The following PDE5A variants were observed in gnomAD, a reference collection of about 807,000 sequenced individuals.
PDE5A encodes the protein phosphodiesterase 5A, also known as cGMP-specific 3',5'-cyclic phosphodiesterase.
A neutral mutation model predicts 110.2 loss-of-function variants in PDE5A; 67 were observed. The ratio of observed to expected loss-of-function variants is 0.61; its 90% CI spans 0.50 to 0.75. The LOEUF (loss-of-function observed/expected upper bound fraction) is 0.75, where lower values mean the gene tolerates loss of function less well. Among genes scored for constraint, PDE5A ranks in the 30% least tolerant of loss-of-function variants. PDE5A has a pLI of 0.00. For synonymous variants in PDE5A, 328 were observed against 351.2 expected, an observed-to-expected ratio of 0.93 and a Z score of 0.74; for missense variants, 862 against 1,045.1, an observed-to-expected ratio of 0.82 and a Z score of 2.42.
intron 3 of PDE5A, among the ~76,000 whole-genome samples, chr4:119,579,632 T>G (rs1356588132): frequency 6.6e-6 from 1 of 151,486 alleles, no homozygotes; most frequent in African/African-American, 2.4e-5. Context: ...TAGGTGGGAA[T>G]TGAACAATGA....
At chr4:119,507,841 A>C in intron 15 of PDE5A, 137 bp from the exon 16 acceptor site, 3 of 621,746 alleles carry the variant, frequency 4.8e-6, no homozygotes, top group Non-Finnish European at 8.3e-6. Flanking sequence ...AATACCATGA[A>C]ATAAAGTTTC....
chr4:119,502,859 C>G (rs1240667435), intron 18 of PDE5A, among the ~76,000 whole-genome samples: 1 of 152,158 alleles, frequency 6.6e-6, no homozygotes, highest in Non-Finnish European at 1.5e-5. Flanking sequence ...TTAGGTACAT[C>G]TCTCTGTCTT....
intron 11 of PDE5A, chr4:119,527,277 C>T (rs1578745469): frequency 1.3e-5 from 2 of 152,216 alleles, no homozygotes; most frequent in Middle Eastern, 6.8e-3. Flanking sequence ...AGAATCTTTT[C>T]TTTTGATTGT....
In PDE5A at chr4:119,495,178, C is replaced by A. The variant is rs2110443949; in HGVS notation, c.*3423G>T. The A allele has an allele frequency of 6.6e-6, 1 of 152,160 alleles. No individual in the cohort carries two copies. The highest frequency in any genetic ancestry group is 1.5e-5 in the Non-Finnish European group (1 of 68,000). The allele number at this position is 152,160 out of a possible 1,614,324, so 9.4% of individuals were successfully genotyped here. The stretch of plus-strand genomic sequence containing the variant: ...ATGAAAATGGAAATGATGCAGTATA[C>A]CCCATGTTCTCACATTAAATTGGCA... On this transcript the variant is annotated 3_prime_UTR_variant, in exon 21 of 21. Coordinates refer to ENST00000354960, the MANE Select transcript of PDE5A (RefSeq NM_001083.4).
At chr4:119,501,055 T>TTTTA (rs1725306353) in intron 20 of PDE5A, 115 bp downstream of exon 20, 23 of 638,106 alleles carry the variant, frequency 3.6e-5, no homozygotes, top group South Asian at 2.7e-4. Context: ...CTGCTAATAA[T>TTTTA]TTTATTTCTT....
intron 3 of PDE5A, among the ~76,000 whole-genome samples, chr4:119,594,791 G>C (rs930259985): frequency 6.6e-6 from 1 of 152,198 alleles, no homozygotes; most frequent in Non-Finnish European, 1.5e-5. Context: ...CTACTGAGAA[G>C]TAACTGACTT....
chr4:119,577,607 G>T (rs1396567214), intron 3 of PDE5A, among the ~76,000 whole-genome samples: 3 of 152,198 alleles, frequency 2.0e-5, no homozygotes, highest in Non-Finnish European at 4.4e-5. Flanking sequence ...CTCAATAGAT[G>T]CAGAAAACGC....
chr4:119,528,159 A>C (rs1726396481), intron 11 of PDE5A, among the ~76,000 whole-genome samples: 1 of 152,110 alleles, frequency 6.6e-6, no homozygotes, highest in Non-Finnish European at 1.5e-5. Flanking sequence ...TCTGCCACTC[A>C]AACTAATAAA....
intron 3 of PDE5A, among the ~76,000 whole-genome samples, chr4:119,595,380 G>T (rs1477462018): frequency 6.6e-6 from 1 of 152,188 alleles, no homozygotes; most frequent in Non-Finnish European, 1.5e-5. Context: ...CTCGGCATTA[G>T]AATTTTTAAA....
intron 11 of PDE5A, among the ~76,000 whole-genome samples, chr4:119,528,031 C>G (rs1312634245): frequency 6.9e-6 from 1 of 144,284 alleles, no homozygotes; most frequent in African/African-American, 2.5e-5. Flanking sequence ...GTTTTAATGT[C>G]AAATTAACCA....
chr4:119,538,752 GA>G (rs1162305010), intron 11 of PDE5A: 1 of 482,022 alleles, frequency 2.1e-6, no homozygotes, highest in Non-Finnish European at 3.8e-6. Context: ...ACAATTACTG[GA>G]AAACAAATAT....
In PDE5A at chr4:119,498,626, T is replaced by TC; in HGVS notation, c.2602dup (p.Glu868GlyfsTer37). 1 of 1,614,014 alleles carries TC rather than the reference T, an allele frequency of 6.2e-7. No individual in the cohort carries two copies. ...TCAGTTCCGCTTGGCCTGGCCGCTT[T>TC]CCCCATTAATCAGCATCTTCTCCTG... On this transcript the variant is annotated frameshift_variant, in exon 21 of 21. Transcript: ENST00000354960. LOFTEE classifies it high-confidence loss of function.
intron 1 of PDE5A, among the ~76,000 whole-genome samples, chr4:119,623,224 TAATA>T (rs1730223523): frequency 6.6e-6 from 1 of 152,194 alleles, no homozygotes; most frequent in South Asian, 2.1e-4. Flanking sequence ...TCACCAGCTG[TAATA>T]GTGGCCAACT....
At chr4:119,574,221 C>T (rs960605379) in intron 3 of PDE5A, among the ~76,000 whole-genome samples, 155 of 112,272 alleles carry the variant, frequency 1.4e-3, no homozygotes, top group African/African-American at 5.1e-3. Flanking sequence ...CTCACTCTGT[C>T]GCCCAGGCTG....
intron 4 of PDE5A, among the ~76,000 whole-genome samples, chr4:119,565,884 A>C (rs1727911969): frequency 1.3e-5 from 2 of 151,036 alleles, no homozygotes; most frequent in African/African-American, 4.8e-5. Flanking sequence ...TGGATCTATC[A>C]TCCTCATTAA....
chr4:119,525,214 C>T lies in PDE5A; in HGVS notation c.1779+335G>A, dbSNP rs564391688. 1.3e-5 allele frequency among the ~76,000 whole-genome samples: 2 copies of T among 152,168 alleles called. No individual in the cohort carries two copies. The highest frequency in any genetic ancestry group is 2.1e-4 in the South Asian group (1 of 4,824). ...CGTATCATTTGCTTCTCACCTTCTT[C>T]CATTGCTTCTCTTGCCATTCTTACC... On this transcript the variant is annotated intron_variant, in intron 12 of 20. Coordinates refer to ENST00000354960, the MANE Select transcript of PDE5A (RefSeq NM_001083.4). The surrounding 1 kb of genome is among the most constrained non-coding windows in gnomAD (Gnocchi z 4.3).
At chr4:119,618,518 T>C (rs751999972) in intron 1 of PDE5A, among the ~76,000 whole-genome samples, 12 of 152,080 alleles carry the variant, frequency 7.9e-5, no homozygotes, top group Non-Finnish European at 1.5e-4. Flanking sequence ...CACTTACATA[T>C]AACAAAATTT....
chr4:119,517,017 G>A (rs1725932609), intron 14 of PDE5A: 1 of 152,168 alleles, frequency 6.6e-6, no homozygotes, highest in African/African-American at 2.4e-5. Flanking sequence ...ACTCCTCTAC[G>A]AGGGTAGTTT....
Position 119,553,443 on chromosome 4 carries a change from C to A in PDE5A, c.1308+195G>T, listed in dbSNP as rs184746917. The stretch of plus-strand genomic sequence containing the variant: ...GACATTTAAAAAGGTGAAAAAAGTA[C>A]AAAGAAAAATGTCCAGCTACAGCTC... On this transcript the variant is annotated intron_variant, in intron 8 of 20. Transcript: ENST00000354960. Among the ~76,000 whole-genome samples the A allele has an allele frequency of 8.5e-5, 13 of 152,062 alleles. No homozygotes were observed. In the East Asian group the frequency reaches 2.5e-3, roughly 29 times the overall value.
Sources: allele counts gnomAD v4.1 joint callset (sites outside exome capture counted in the v4.1 genomes callset), GRCh38; gene constraint gnomAD v4.1.1; non-coding constraint Gnocchi (gnomAD v3.1); transcripts MANE v1.5; gene names NCBI Gene and HGNC (gene_info 2026-07-23, HGNC 2026-07-21).